Variants in SP140 observed in about 807,000 individuals in gnomAD.
SP140 encodes the protein SP140 nuclear body protein, also known as nuclear body protein SP140.
In SP140, 81 loss-of-function variants were observed where a neutral mutation model predicts 125.0. That is an observed-to-expected ratio of 0.65 (90% CI 0.54 to 0.78). The LOEUF is 0.78. SP140 is among the 30% of genes least tolerant of loss of function. SP140 has a pLI of 0.00. For synonymous variants in SP140, 312 were observed against 354.0 expected (o/e 0.88, Z 1.33); for missense variants, 858 against 1,037.0 (o/e 0.83, Z 2.37).
At position 230,241,277 on chromosome 2, in the gene SP140, A is replaced by G. The variant is rs1410227103; in HGVS notation, c.407-127A>G. 5.9e-6 allele frequency: 4 copies of G among 677,146 alleles called. No individual in the cohort carries two copies. In the Admixed American group the frequency reaches 7.6e-5, roughly 13 times the overall value. The allele number at this position is 677,146 out of a possible 1,614,324, so 41.9% of individuals were successfully genotyped here. On this transcript the variant is annotated intron_variant, in intron 3 of 26. Coordinates refer to ENST00000392045, the MANE Select transcript of SP140 (RefSeq NM_007237.5). ...GTGCCTCTCAATGAAAAAAAGGGGA[A>G]CAAGGCTCTGTTGGACCTCGGGGGT...
At chr2:230,266,516 C>T (rs929349315) in intron 12 of SP140, among the ~76,000 whole-genome samples, 2 of 152,130 alleles carry the variant, frequency 1.3e-5, no homozygotes, top group African/African-American at 4.8e-5. Context: ...ACTACAATAC[C>T]CACTTGTTAT....
intron 3 of SP140, chr2:230,219,869 C>T (rs2045646398): frequency 1.0e-6 from 1 of 976,676 alleles, no homozygotes; most frequent in Non-Finnish European, 1.2e-6. Flanking sequence ...AAGACAGAAA[C>T]TCACCTGGAC....
intron 3 of SP140, chr2:230,216,948 A>G: frequency 6.2e-7 from 1 of 1,610,860 alleles, no homozygotes; most frequent in Non-Finnish European, 8.5e-7. Context: ...GAGGCATGAT[A>G]AAAAATAGAA....
At chr2:230,202,714 T>C, upstream of SP140, 3 of 1,614,160 alleles carry the variant, frequency 1.9e-6, no homozygotes, top group Non-Finnish European at 2.5e-6. Context: ...ATTCCGTGTC[T>C]AGATGAGGCT....
chr2:230,243,450 C>G (rs1370770776), intron 4 of SP140, among the ~76,000 whole-genome samples: 1 of 151,980 alleles, frequency 6.6e-6, no homozygotes, highest in Non-Finnish European at 1.5e-5. Context: ...AAAACAGAGG[C>G]AGAGATTGAG....
At chr2:230,260,193 G>A (rs2051989129) in intron 12 of SP140, among the ~76,000 whole-genome samples, 1 of 152,122 alleles carries the variant, frequency 6.6e-6, no homozygotes, top group African/African-American at 2.4e-5. Flanking sequence ...GATCATTGGT[G>A]ATGTTGAGCA....
chr2:230,289,914 C>T (rs1023809329), intron 18 of SP140, among the ~76,000 whole-genome samples: 3 of 152,170 alleles, frequency 2.0e-5, no homozygotes, highest in Non-Finnish European at 4.4e-5. Flanking sequence ...TATTCTAGAG[C>T]TCCCTGAGCT....
intron 15 of SP140, among the ~76,000 whole-genome samples, chr2:230,275,561 CCT>C (rs1024439562): frequency 9.9e-5 from 15 of 152,074 alleles, no homozygotes; most frequent in Admixed American, 9.8e-4. Context: ...CAGCTGTTCC[CCT>C]GTCTCTCTCC....
the SP140 span, among the ~76,000 whole-genome samples, chr2:230,186,376 G>A: frequency 1.1e-4 from 17 of 152,218 alleles, no homozygotes; most frequent in Middle Eastern, 3.4e-3. Flanking sequence ...GTAGGGATTT[G>A]TGTCTGTCTT....
At chr2:230,209,904 C>A (rs200011354) in intron 1 of SP140, 23 of 1,373,884 alleles carry the variant, frequency 1.7e-5, no homozygotes, top group South Asian at 2.3e-5. Flanking sequence ...ACCCTTCTGA[C>A]CTCTACAGAA....
chr2:230,220,788 G>T (rs1262225976), upstream of SP140, among the ~76,000 whole-genome samples: 2 of 152,128 alleles, frequency 1.3e-5, no homozygotes, highest in Non-Finnish European at 2.9e-5. Context: ...AGGATTGCTT[G>T]AGCCTAGGAG....
At chr2:230,316,184 C>T (rs1180469928), downstream of SP140, among the ~76,000 whole-genome samples, 1 of 152,196 alleles carries the variant, frequency 6.6e-6, no homozygotes, top group African/African-American at 2.4e-5. Flanking sequence ...ATAGACTATT[C>T]TGAATGACTT....
At chr2:230,253,200 T>C (rs916011061) in intron 10 of SP140, 116 bp from the exon 11 acceptor site, 22 of 718,322 alleles carry the variant, frequency 3.1e-5, no homozygotes, top group Non-Finnish European at 5.2e-5. Context: ...AAAGAGGAGA[T>C]GTAACAAGAT....
intron 3 of SP140, among the ~76,000 whole-genome samples, chr2:230,216,527 G>A (rs200101397): frequency 1.3e-5 from 2 of 152,166 alleles, no homozygotes; most frequent in East Asian, 3.9e-4. Context: ...CTCCACACCT[G>A]AGAGAATATA....
rs1405241985 is a variant in SP140, at chr2:230,312,658, A to G, written c.2578A>G (p.Ile860Val). The G allele has an allele frequency of 6.8e-6, 11 of 1,612,028 alleles. No individual in the cohort carries two copies. The highest frequency in any genetic ancestry group is 9.3e-6 in the Non-Finnish European group (11 of 1,178,396). ...GAAGAATTTCAAGGAAGTGTTTGCTATTCAGGAAACAAATGGGAACAATTG... is the reference window on the plus strand; with the variant it reads ...GAAGAATTTCAAGGAAGTGTTTGCTGTTCAGGAAACAAATGGGAACAATTG... Reference protein sequence around the residue: ...FEKNFKEVFAIQETNGNN With the variant: ...FEKNFKEVFAVQETNGNN Residue 860 changes from isoleucine (I) to valine (V), a missense_variant, in exon 27 of 27, where the codon ATT becomes GTT. By Grantham distance (29) the Ile-to-Val change is conservative. Transcript: ENST00000392045.
intron 1 of SP140, among the ~76,000 whole-genome samples, chr2:230,208,234 A>AGG (rs2044091823): frequency 6.6e-6 from 1 of 152,206 alleles, no homozygotes; most frequent in Admixed American, 6.5e-5. Flanking sequence ...AAAATGACAG[A>AGG]GGAAAAGGAG....
chr2:230,195,378 AG>A, the SP140 span, among the ~76,000 whole-genome samples: 11 of 152,200 alleles, frequency 7.2e-5, no homozygotes, highest in Non-Finnish European at 1.3e-4. Context: ...TCTGTTATGC[AG>A]GCTGGAGTGC....
chr2:230,236,267 G>A (rs2048000748), intron 1 of SP140, among the ~76,000 whole-genome samples: 1 of 152,144 alleles, frequency 6.6e-6, no homozygotes, highest in African/African-American at 2.4e-5. Flanking sequence ...AGTTACAGAT[G>A]GAGGAGATAC....
At chr2:230,245,126 C>G in intron 6 of SP140, 46 bp downstream of exon 6, 1 of 1,304,342 alleles carries the variant, frequency 7.7e-7, no homozygotes, top group East Asian at 2.3e-5. Context: ...ATTAGTTGGC[C>G]TATCTCTATG....
Sources: gnomAD v4.1 joint callset for allele counts (sites outside exome capture counted in the v4.1 genomes callset) on GRCh38, gnomAD v4.1.1 for gene constraint, MANE v1.5 for transcripts, NCBI Gene and HGNC (gene_info 2026-07-23, HGNC 2026-07-21) for gene names.